Variants in MYZAP observed in about 807,000 individuals in gnomAD.
MYZAP encodes the protein myocardial zonula adherens protein.
MYZAP carries 66 observed loss-of-function variants against 69.4 expected under a neutral mutation model. The observed-to-expected ratio is 0.95, with a 90% CI of 0.78 to 1.17. The LOEUF is 1.17. Ranked by LOEUF, MYZAP falls within the 50% of genes most tolerant of loss-of-function variation. MYZAP has a pLI of 0.00. For synonymous variants in MYZAP, 256 were observed against 205.9 expected, an observed-to-expected ratio of 1.24 and a Z score of -2.09; for missense variants, 611 against 556.2, an observed-to-expected ratio of 1.10 and a Z score of -0.99.
chr15:57,633,131 C>T (rs1178821036), intron 7 of MYZAP, among the ~76,000 whole-genome samples: 4 of 152,212 alleles, frequency 2.6e-5, no homozygotes. Flanking sequence ...AAGGCGGGGA[C>T]TCCATGTCTG....
chr15:57,656,332 A>G (rs1234519137), intron 10 of MYZAP, among the ~76,000 whole-genome samples: 1 of 152,216 alleles, frequency 6.6e-6, no homozygotes, highest in Middle Eastern at 3.2e-3. Context: ...AAGATGATCA[A>G]AGTCTTTACT....
chr15:57,638,325 G>T (rs2036936790), intron 9 of MYZAP, among the ~76,000 whole-genome samples: 1 of 152,154 alleles, frequency 6.6e-6, no homozygotes, highest in African/African-American at 2.4e-5. Context: ...TTGGGCAAGT[G>T]ACTTAACCTC....
chr15:57,592,201 C>A (rs1595838222), intron 1 of MYZAP, 92 bp downstream of exon 1: 2 of 1,140,318 alleles, frequency 1.8e-6, no homozygotes, highest in South Asian at 7.0e-5. Flanking sequence ...GCTCGGGAGC[C>A]AGCACCTGGC....
intron 4 of MYZAP, among the ~76,000 whole-genome samples, chr15:57,624,255 A>G (rs2035991931): frequency 6.6e-6 from 1 of 152,218 alleles, no homozygotes; most frequent in East Asian, 1.9e-4. Context: ...ATAAGAGTTA[A>G]TATCTGTGGG....
chr15:57,633,219 T>C (rs2036612171), intron 7 of MYZAP, among the ~76,000 whole-genome samples: 1 of 152,172 alleles, frequency 6.6e-6, no homozygotes, highest in Admixed American at 6.5e-5. Flanking sequence ...AGCTGATGTA[T>C]TGCATTATGG....
At chr15:57,617,715 T>C (rs1345286801) in intron 2 of MYZAP, among the ~76,000 whole-genome samples, 1 of 152,066 alleles carries the variant, frequency 6.6e-6, no homozygotes, top group East Asian at 1.9e-4. Flanking sequence ...GAGCATGAGG[T>C]TTCAAATGCT....
intron 8 of MYZAP, among the ~76,000 whole-genome samples, chr15:57,634,435 CTGCA>C (rs2036692102): frequency 2.6e-5 from 4 of 152,184 alleles, no homozygotes; most frequent in Admixed American, 1.3e-4. Context: ...GGCTCCCTGG[CTGCA>C]TATGAGTTTG....
At chr15:57,638,703 A>T (rs1023715247) in intron 9 of MYZAP, among the ~76,000 whole-genome samples, 2 of 152,186 alleles carry the variant, frequency 1.3e-5, no homozygotes, top group African/African-American at 4.8e-5. Context: ...ATGTTTTGTG[A>T]TGTGGCTTGC....
intron 10 of MYZAP, among the ~76,000 whole-genome samples, chr15:57,660,267 C>T (rs1433804181): frequency 6.6e-6 from 1 of 152,122 alleles, no homozygotes; most frequent in Non-Finnish European, 1.5e-5. Flanking sequence ...CTAGATACTG[C>T]TATATTCGCT....
intron 12 of MYZAP, among the ~76,000 whole-genome samples, chr15:57,677,477 T>C (rs529118326): frequency 6.6e-6 from 1 of 152,246 alleles, no homozygotes; most frequent in African/African-American, 2.4e-5. Context: ...ACATGTGTAG[T>C]TTGAAAATAT....
chr15:57,657,259 G>A (rs1243968861), intron 10 of MYZAP, among the ~76,000 whole-genome samples: 1 of 152,016 alleles, frequency 6.6e-6, no homozygotes. Context: ...TGACTTTCTT[G>A]GAAGCTTTTA....
At chr15:57,663,530 A>T (rs1028189826) in intron 11 of MYZAP, among the ~76,000 whole-genome samples, 1 of 152,140 alleles carries the variant, frequency 6.6e-6, no homozygotes, top group Non-Finnish European at 1.5e-5. Flanking sequence ...CCTGCTGGGG[A>T]TCTCTGGGAG....
At chr15:57,637,571 C>A in intron 8 of MYZAP, 124 bp from the exon 9 acceptor site, 1 of 928,530 alleles carries the variant, frequency 1.1e-6, no homozygotes, top group Non-Finnish European at 1.6e-6. Flanking sequence ...CTTTGCTGAG[C>A]AGGTGTGTAA....
At chr15:57,661,309 A>C in intron 10 of MYZAP, 141 bp from the exon 11 acceptor site, 1 of 692,600 alleles carries the variant, frequency 1.4e-6, no homozygotes, top group Non-Finnish European at 2.4e-6. Context: ...AATGAAAACC[A>C]TCCAGCCCCA....
chr15:57,596,200 TG>T (rs2034047900), intron 1 of MYZAP, among the ~76,000 whole-genome samples: 1 of 152,188 alleles, frequency 6.6e-6, no homozygotes, highest in South Asian at 2.1e-4. Context: ...CATTTGTCTC[TG>T]GGGGCACTGA....
intron 10 of MYZAP, among the ~76,000 whole-genome samples, chr15:57,644,078 G>T (rs1317475335): frequency 6.6e-6 from 1 of 152,228 alleles, no homozygotes; most frequent in Admixed American, 6.5e-5. Context: ...AGATGGGATG[G>T]AGGCAGACTG....
chr15:57,660,035 CA>C (rs1235162390), intron 10 of MYZAP, among the ~76,000 whole-genome samples: 1 of 152,168 alleles, frequency 6.6e-6, no homozygotes, highest in Non-Finnish European at 1.5e-5. Context: ...CCATACACTT[CA>C]TCAGTGTTTT....
intron 8 of MYZAP, among the ~76,000 whole-genome samples, chr15:57,637,126 C>T (rs532482858): frequency 6.6e-6 from 1 of 152,336 alleles, no homozygotes; most frequent in South Asian, 2.1e-4. Context: ...CTGGATAACC[C>T]AGGATCTCCC....
At chr15:57,620,847 G>C (rs2035761144) in intron 3 of MYZAP, among the ~76,000 whole-genome samples, 2 of 152,050 alleles carry the variant, frequency 1.3e-5, no homozygotes, top group Non-Finnish European at 2.9e-5. Context: ...AAAAACATGT[G>C]ATGGGAAAAG....
Sources: gnomAD v4.1 joint callset for allele counts (sites outside exome capture counted in the v4.1 genomes callset) on GRCh38, gnomAD v4.1.1 for gene constraint, MANE v1.5 for transcripts, NCBI Gene and HGNC (gene_info 2026-07-23, HGNC 2026-07-21) for gene names.